FGF13: variants seen among roughly 807,000 people sequenced by gnomAD.
FGF13 encodes fibroblast growth factor 13, also known as fibroblast growth factor homologous factor 2.
A neutral mutation model predicts 19.5 loss-of-function variants in FGF13; 2 were observed. The ratio of observed to expected loss-of-function variants is 0.10; its 90% confidence interval spans 0.04 to 0.32. The LOEUF (loss-of-function observed/expected upper bound fraction) is 0.32, where lower values mean the gene tolerates loss of function less well. Ranked by LOEUF, FGF13 falls within the 10% of genes least tolerant of loss-of-function variation. The pLI is 1.00. For missense variants in FGF13, 113 were observed against 192.7 expected (o/e 0.59, Z 2.45); for synonymous variants, 72 against 76.9 (o/e 0.94, Z 0.33).
rs763841415 is a variant in FGF13, at chrX:138,667,115, T to C, written c.403-31460A>G. ...TGTATACATATATTATGCTATATCA[T>C]ATATTAGGTTATATATGTATATTAT... On this transcript the variant is annotated intron_variant, in intron 3 of 4. Coordinates refer to ENST00000315930, the MANE Select transcript of FGF13 (RefSeq NM_004114.5). 6.5e-5 allele frequency among the ~76,000 whole-genome samples: 7 copies of C among 107,866 alleles called. No individual in the cohort carries two copies. The East Asian group carries it at 2.0e-3, about 31-fold the overall frequency. 93.7% of individuals were successfully genotyped at this position (107,866 alleles called of 115,157 possible).
intron 1 of FGF13, among the ~76,000 whole-genome samples, chrX:139,131,755 A>G (rs2083763931): frequency 9.0e-6 from 1 of 111,515 alleles, no homozygotes; most frequent in Admixed American, 9.5e-5. Context: ...AAAATAAAAA[A>G]GATCAACGTT....
intron 1 of FGF13, among the ~76,000 whole-genome samples, chrX:139,031,564 A>C (rs923842350): frequency 1.8e-5 from 2 of 111,187 alleles, no homozygotes; most frequent in African/African-American, 3.3e-5. Context: ...CTGATAAATT[A>C]AGTGATTTGC....
intron 1 of FGF13, among the ~76,000 whole-genome samples, chrX:139,138,046 C>A (rs972658723): frequency 8.9e-6 from 1 of 112,326 alleles, no homozygotes; most frequent in Non-Finnish European, 1.9e-5. Flanking sequence ...GTTGAAAGGA[C>A]CCACTGGAAT....
At chrX:138,685,488 T>C (rs900264484) in intron 3 of FGF13, among the ~76,000 whole-genome samples, 1 of 108,635 alleles carries the variant, frequency 9.2e-6, no homozygotes, top group Non-Finnish European at 1.9e-5. Flanking sequence ...AAATGATGAA[T>C]TGCACATTAT....
At chrX:138,709,529 T>G (rs1244330108) in intron 1 of FGF13, among the ~76,000 whole-genome samples, 1 of 112,182 alleles carries the variant, frequency 8.9e-6, no homozygotes, top group East Asian at 2.8e-4. Context: ...TCATATTAAT[T>G]ATCATTAGTG....
chrX:138,692,312 A>G (rs2089845997), intron 3 of FGF13, among the ~76,000 whole-genome samples: 1 of 110,976 alleles, frequency 9.0e-6, no homozygotes, highest in African/African-American at 3.3e-5. Context: ...TCAGTTACTA[A>G]TTAATGAGCA....
chrX:138,630,862 C>T lies in FGF13; in HGVS notation c.*1988G>A, dbSNP rs1467276879. Reference sequence around the variant, plus strand: ...ACACCTAACCTAGCAAACATCATAGCTTAGCCTAGCCTACTTTAAATGTGC... The same window carrying T: ...ACACCTAACCTAGCAAACATCATAGTTTAGCCTAGCCTACTTTAAATGTGC... On this transcript the variant is annotated 3_prime_UTR_variant, in exon 5 of 5. Transcript: ENST00000315930. 1 of 112,313 alleles carries T rather than the reference C, an allele frequency of 8.9e-6. No homozygotes were observed. Among genetic ancestry groups the T allele is most frequent in the African/African-American group, 3.2e-5 (1 of 30,903 alleles). 9.3% of individuals were successfully genotyped at this position (112,313 alleles called of 1,213,427 possible). A position where few individuals can be genotyped will look rare whatever the true frequency, so the allele number is the denominator to read the frequency against.
chrX:139,002,313 C>T (rs2092076940), intron 1 of FGF13, among the ~76,000 whole-genome samples: 1 of 111,092 alleles, frequency 9.0e-6, no homozygotes, highest in African/African-American at 3.3e-5. Context: ...ACGTTGTACA[C>T]ATATATCCCA....
chrX:139,019,221 G>T (rs1220309135), intron 1 of FGF13, among the ~76,000 whole-genome samples: 2 of 111,709 alleles, frequency 1.8e-5, no homozygotes, highest in African/African-American at 6.5e-5. Context: ...AGAAAACCTG[G>T]GTTCCAGCCC....
chrX:139,105,096 G>C (rs2083550365), intron 1 of FGF13, among the ~76,000 whole-genome samples: 1 of 110,423 alleles, frequency 9.1e-6, no homozygotes, highest in Non-Finnish European at 1.9e-5. Context: ...GTTTTCAGTA[G>C]GACATAGGAT....
chrX:138,899,166 A>G (rs1408757761), intron 1 of FGF13, among the ~76,000 whole-genome samples: 1 of 111,646 alleles, frequency 9.0e-6, no homozygotes, highest in African/African-American at 3.3e-5. Flanking sequence ...GCATATTGGA[A>G]AGACTCAGAT....
Position 138,763,984 on chromosome X carries a change from G to A in FGF13, c.218-55056C>T, listed in dbSNP as rs147098770. On this transcript the variant is annotated intron_variant, in intron 3 of 6. Coordinates refer to the FGF13 transcript ENST00000436198. Reference sequence around the variant, plus strand: ...TTGCCAACTACCCTGTGCCTGAGGCGTAGTAGAAAGGTAAGCACTGGCAGT... The same window carrying A: ...TTGCCAACTACCCTGTGCCTGAGGCATAGTAGAAAGGTAAGCACTGGCAGT... Among the ~76,000 whole-genome samples the A allele has an allele frequency of 3.2e-3, 360 of 111,218 alleles. 1 individual carries two copies. The highest frequency in any genetic ancestry group is 0.011 in the African/African-American group (341 of 30,632).
At chrX:138,650,766 A>C (rs9698280) in intron 3 of FGF13, among the ~76,000 whole-genome samples, 3,398 of 111,688 alleles carry the variant, frequency 0.03, 108 homozygotes, top group African/African-American at 0.1. Flanking sequence ...GTGACCATTC[A>C]AAAATCCTCT....
chrX:138,895,198 C>G (rs2091498008), intron 1 of FGF13, among the ~76,000 whole-genome samples: 3 of 111,919 alleles, frequency 2.7e-5, no homozygotes, highest in Admixed American at 9.5e-5. Context: ...AGGTGTACAA[C>G]TTGATGATGT....
At chrX:138,803,877 A>G (rs2090847133) in intron 3 of FGF13, among the ~76,000 whole-genome samples, 1 of 112,225 alleles carries the variant, frequency 8.9e-6, no homozygotes, top group Non-Finnish European at 1.9e-5. Flanking sequence ...AAAAAGCACA[A>G]CTTTGTGGTG....
At chrX:138,673,117 T>C (rs1285629014) in intron 3 of FGF13, among the ~76,000 whole-genome samples, 1 of 110,734 alleles carries the variant, frequency 9.0e-6, no homozygotes, top group African/African-American at 3.3e-5. Context: ...TGGGAAGAGA[T>C]GAAGTGGACA....
chrX:139,177,428 G>C (rs1253163123), intron 1 of FGF13, among the ~76,000 whole-genome samples: 1 of 110,453 alleles, frequency 9.1e-6, no homozygotes, highest in Non-Finnish European at 1.9e-5. Flanking sequence ...TACATTTAAG[G>C]TTAATATTGT....
intron 3 of FGF13, among the ~76,000 whole-genome samples, chrX:138,691,003 G>A (rs2089833641): frequency 9.0e-6 from 1 of 111,445 alleles, no homozygotes; most frequent in Non-Finnish European, 1.9e-5. Flanking sequence ...ATATTCAACA[G>A]GTATATGCTA....
chrX:138,726,307 G>C lies in FGF13; in HGVS notation c.28+12935C>G, dbSNP rs1003393768. Among the ~76,000 whole-genome samples, 24 of 111,613 alleles carry C rather than the reference G, an allele frequency of 2.2e-4. No individual in the cohort carries two copies. The Admixed American group carries it at 2.3e-3, about 11-fold the overall frequency. The stretch of plus-strand genomic sequence containing the variant: ...ATATGGCAGAGTGGTTAAGAGCATG[G>C]GCTTTATAACTAGGAAACTTAATTG... On this transcript the variant is annotated intron_variant, in intron 1 of 4. Coordinates refer to the FGF13 transcript ENST00000305414.
Sources: allele counts gnomAD v4.1 joint callset (sites outside exome capture counted in the v4.1 genomes callset), GRCh38; gene constraint gnomAD v4.1.1; transcripts MANE v1.5; gene names NCBI Gene and HGNC (gene_info 2026-07-23, HGNC 2026-07-21).